OR4K1: variants seen among roughly 807,000 people sequenced by gnomAD.
OR4K1 encodes the protein olfactory receptor family 4 subfamily K member 1, also known as olfactory receptor 4K1.
OR4K1 carries 16 observed loss-of-function variants against 14.4 expected under a neutral mutation model. That is an observed-to-expected ratio of 1.11 (90% CI 0.75 to 1.68). The LOEUF (loss-of-function observed/expected upper bound fraction) is 1.68. Ranked by LOEUF, OR4K1 falls within the 40% of genes most tolerant of loss-of-function variation. The pLI is 0.00. For synonymous variants in OR4K1, 181 were observed against 133.1 expected, an observed-to-expected ratio of 1.36 and a Z score of -2.48; for missense variants, 548 against 376.9, an observed-to-expected ratio of 1.45 and a Z score of -3.76.
At chr14:19,921,234 A>C in the OR4K1 span, 1 of 1,614,176 alleles carries the variant, frequency 6.2e-7, no homozygotes, top group South Asian at 1.1e-5. Context: ...TTCCCTAAGC[A>C]CTTTCTCTCT....
At chr14:19,929,944 A>G (rs1594453523), upstream of OR4K1, among the ~76,000 whole-genome samples, 1 of 152,232 alleles carries the variant, frequency 6.6e-6, no homozygotes, top group East Asian at 1.9e-4. Flanking sequence ...TTAAAACTTT[A>G]ATTCATAAGT....
At position 19,936,566 on chromosome 14, in the gene OR4K1, G is replaced by T. The variant is rs370557685; in HGVS notation, c.900G>T (p.Lys300Asn). The T allele has an allele frequency of 1.2e-6, 2 of 1,608,082 alleles. No individual in the cohort carries two copies. The highest frequency in any genetic ancestry group is 1.1e-5 in the South Asian group (1 of 90,114). ...AAGATGTTAAAGCAGCCATGTGGAAGCTGAGAAACCGTCATGTGAACTCCT... is the reference window on the plus strand; with the variant it reads ...AAGATGTTAAAGCAGCCATGTGGAATCTGAGAAACCGTCATGTGAACTCCT... ...RNEDVKAAMW[K>N]LRNRHVNSWK... Residue 300 changes from lysine to asparagine, a missense_variant, in exon 2 of 2, where the codon AAG (lysine) becomes AAT (asparagine). Coordinates refer to ENST00000641172, the MANE Select transcript of OR4K1 (RefSeq NM_001004063.3).
At chr14:19,934,904 C>G (rs1176416303) in intron 1 of OR4K1, among the ~76,000 whole-genome samples, 1 of 152,334 alleles carries the variant, frequency 6.6e-6, no homozygotes, top group South Asian at 2.1e-4. Context: ...AACTCCTGAC[C>G]TCAGGTGATC....
chr14:19,921,176 G>A, the OR4K1 span: 1 of 1,614,062 alleles, frequency 6.2e-7, no homozygotes, highest in Non-Finnish European at 8.5e-7. Context: ...TTGCCTGCCT[G>A]GACTCTTACA....
In OR4K1 at chr14:19,935,992, G is replaced by C. The variant is rs765650159; in HGVS notation, c.326G>C (p.Gly109Ala). 24 of 1,614,106 alleles carry C rather than the reference G, an allele frequency of 1.5e-5. No homozygotes were observed. The East Asian group carries it at 5.1e-4, about 34-fold the overall frequency. Reference protein sequence around the residue: ...AQIFVLHSFVGSEMMLLVAMA... With the variant: ...AQIFVLHSFVASEMMLLVAMA... ...ATATTCGTTCTTCACAGTTTTGTTG[G>C]GAGTGAGATGATGTTGCTTGTAGCT... Residue 109 changes from glycine to alanine, a missense_variant, in exon 2 of 2, where the codon GGG becomes GCG. Coordinates refer to ENST00000641172, the MANE Select transcript of OR4K1 (RefSeq NM_001004063.3).
Position 19,935,793 on chromosome 14 carries a change from G to T in OR4K1, c.127G>T (p.Val43Phe). Residue 43 changes from valine (V) to phenylalanine (F), a missense_variant, in exon 2 of 2, where the codon GTC becomes TTC. By Grantham distance (50) the Val-to-Phe change is conservative. Coordinates refer to ENST00000641172, the MANE Select transcript of OR4K1 (RefSeq NM_001004063.3). ...IVYVTSVLGN[V>F]LIIVIISFDS... ...CTATGTGACATCAGTGCTAGGCAAT[G>T]TCTTAATTATTGTCATTATTTCTTT... is the stretch of plus-strand genomic sequence containing the variant. 6.2e-7 allele frequency: 1 copy of T among 1,614,132 alleles called. No individual in the cohort carries two copies. Among genetic ancestry groups the T allele is most frequent in the Non-Finnish European group, 8.5e-7 (1 of 1,180,006 alleles).
At chr14:19,927,199 T>C (rs770225707), upstream of OR4K1, among the ~76,000 whole-genome samples, 3 of 152,260 alleles carry the variant, frequency 2.0e-5, no homozygotes, top group Non-Finnish European at 4.4e-5. Context: ...TATTATGGCC[T>C]CATGAGAGAG....
At chr14:19,921,039 G>A in the OR4K1 span, 14 of 1,614,206 alleles carry the variant, frequency 8.7e-6, no homozygotes, top group Non-Finnish European at 1.2e-5. Flanking sequence ...CACTGTCTTG[G>A]TAATGATCTC....
chr14:19,929,417 A>C (rs1403126984), upstream of OR4K1, among the ~76,000 whole-genome samples: 2 of 147,770 alleles, frequency 1.4e-5, no homozygotes, highest in Non-Finnish European at 3.0e-5. Context: ...GTATGGGGGG[A>C]GAGAGAGAGA....
At chr14:19,926,624 T>C (rs1882068652), upstream of OR4K1, among the ~76,000 whole-genome samples, 3 of 152,242 alleles carry the variant, frequency 2.0e-5, no homozygotes, top group Non-Finnish European at 4.4e-5. Context: ...GATCATTGAA[T>C]GTTATAGGCA....
At chr14:19,933,525 A>C (rs959829616) in intron 1 of OR4K1, among the ~76,000 whole-genome samples, 2 of 152,228 alleles carry the variant, frequency 1.3e-5, no homozygotes, top group Non-Finnish European at 2.9e-5. Context: ...AGATCCCATC[A>C]TGGAAACTTG....
At chr14:19,930,674 T>G (rs1453688022), upstream of OR4K1, among the ~76,000 whole-genome samples, 1 of 152,230 alleles carries the variant, frequency 6.6e-6, no homozygotes, top group African/African-American at 2.4e-5. Context: ...GATACTCAGT[T>G]AAAATCAAGT....
chr14:19,935,172 C>T (rs1009848150), intron 1 of OR4K1, among the ~76,000 whole-genome samples: 22 of 152,198 alleles, frequency 1.4e-4, no homozygotes, highest in African/African-American at 5.3e-4. Flanking sequence ...TATATTTTTA[C>T]CTTTGATTCT....
At chr14:19,924,895 T>C in the OR4K1 span, among the ~76,000 whole-genome samples, 8 of 152,350 alleles carry the variant, frequency 5.3e-5, no homozygotes, top group East Asian at 3.9e-4. Context: ...TAGCATCGTA[T>C]TTCGGTTAGG....
upstream of OR4K1, among the ~76,000 whole-genome samples, chr14:19,928,495 A>G (rs1337300476): frequency 6.6e-6 from 1 of 152,144 alleles, no homozygotes; most frequent in Admixed American, 6.6e-5. Context: ...CACCTTTGCC[A>G]ATTTAACTGA....
chr14:19,925,244 G>A, the OR4K1 span, among the ~76,000 whole-genome samples: 2 of 152,044 alleles, frequency 1.3e-5, no homozygotes, highest in Non-Finnish European at 2.9e-5. Flanking sequence ...TCAAAAACTG[G>A]GATTTGAACA....
chr14:19,920,736 C>G, the OR4K1 span: 1 of 1,614,142 alleles, frequency 6.2e-7, no homozygotes. Context: ...GGGAAATCTT[C>G]TCATTATCCT....
At chr14:19,929,977 AAAGTTCG>A (rs1882150213), upstream of OR4K1, among the ~76,000 whole-genome samples, 1 of 152,220 alleles carries the variant, frequency 6.6e-6, no homozygotes, top group Non-Finnish European at 1.5e-5. Flanking sequence ...TTGGTTTATA[AAAGTTCG>A]AACATAATTT....
intron 1 of OR4K1, among the ~76,000 whole-genome samples, chr14:19,932,417 C>G (rs1210769314): frequency 6.6e-6 from 1 of 152,078 alleles, no homozygotes; most frequent in East Asian, 1.9e-4. Flanking sequence ...TTTTTCATCT[C>G]TTTCAATCTC....
Sources: allele counts gnomAD v4.1 joint callset (sites outside exome capture counted in the v4.1 genomes callset), GRCh38; gene constraint gnomAD v4.1.1; transcripts MANE v1.5; gene names NCBI Gene and HGNC (gene_info 2026-07-23, HGNC 2026-07-21).